Variants in GAS2 observed in about 807,000 individuals in gnomAD.
The protein encoded by GAS2 is growth arrest-specific protein 2.
In GAS2, 20 loss-of-function variants were observed where a neutral mutation model predicts 37.5. That is an observed-to-expected ratio of 0.53 (90% CI 0.37 to 0.77). The LOEUF is 0.77. Ranked by LOEUF, GAS2 falls within the 30% of genes least tolerant of loss-of-function variation. The pLI, the probability that GAS2 is intolerant of heterozygous loss-of-function variation, is 0.00. For synonymous variants in GAS2, 144 were observed against 132.2 expected, an observed-to-expected ratio of 1.09 and a Z score of -0.61; for missense variants, 336 against 373.4, an observed-to-expected ratio of 0.90 and a Z score of 0.82.
intron 2 of GAS2, among the ~76,000 whole-genome samples, chr11:22,676,962 G>A: frequency 6.6e-6 from 1 of 151,968 alleles, no homozygotes; most frequent in East Asian, 1.9e-4. Flanking sequence ...TTTAGAAGAA[G>A]GTATGGCACA....
chr11:22,716,515 C>A (rs376844198), intron 3 of GAS2, among the ~76,000 whole-genome samples: 1 of 151,856 alleles, frequency 6.6e-6, no homozygotes, highest in South Asian at 2.1e-4. Flanking sequence ...TGACACACAC[C>A]TATAATCGCA....
intron 6 of GAS2, among the ~76,000 whole-genome samples, chr11:22,752,120 C>T (rs934390048): frequency 4.6e-5 from 7 of 152,104 alleles, no homozygotes; most frequent in Non-Finnish European, 4.4e-5. Context: ...AAACACACCA[C>T]GGTTAAATTA....
intron 3 of GAS2, among the ~76,000 whole-genome samples, chr11:22,692,990 G>C (rs1850326414): frequency 6.6e-6 from 1 of 152,064 alleles, no homozygotes; most frequent in African/African-American, 2.4e-5. Flanking sequence ...TTAGTTGGCA[G>C]AACCCCTTTC....
At chr11:22,652,335 AG>A (rs954852893) in intron 1 of GAS2, among the ~76,000 whole-genome samples, 16 of 152,294 alleles carry the variant, frequency 1.1e-4, no homozygotes, top group African/African-American at 3.6e-4. Context: ...GCTGTCAGAC[AG>A]GGCCATTTAA....
At chr11:22,716,543 T>A (rs1033659517) in intron 3 of GAS2, among the ~76,000 whole-genome samples, 1 of 151,256 alleles carries the variant, frequency 6.6e-6, no homozygotes, top group South Asian at 2.1e-4. Context: ...GGGAGGCTGA[T>A]GCACGAGACT....
At chr11:22,739,604 G>A (rs1192470308) in intron 5 of GAS2, among the ~76,000 whole-genome samples, 2 of 145,156 alleles carry the variant, frequency 1.4e-5, no homozygotes, top group East Asian at 3.9e-4. Flanking sequence ...AAAAGAAAGG[G>A]GAAGTTAAAA....
chr11:22,743,084 G>T (rs1404105928), intron 5 of GAS2, among the ~76,000 whole-genome samples: 2 of 152,018 alleles, frequency 1.3e-5, no homozygotes, highest in Non-Finnish European at 2.9e-5. Context: ...TTTAAAAGGG[G>T]TTGCTTGACA....
chr11:22,766,846 C>T (rs1368202719), intron 7 of GAS2, among the ~76,000 whole-genome samples: 1 of 152,060 alleles, frequency 6.6e-6, no homozygotes, highest in Non-Finnish European at 1.5e-5. Flanking sequence ...ATTAAATCCT[C>T]TTAATTTCAA....
At position 22,702,671 on chromosome 11, in the gene GAS2, T is replaced by C. The variant is rs545804918; in HGVS notation, c.267+16882T>C. On this transcript the variant is annotated intron_variant, in intron 3 of 7. Transcript: ENST00000454584. ...TTATTTGTTGTAGGCCAGTAGCTGC[T>C]AGCCTTCTCATATGAGCAAAAAGCC... is the stretch of plus-strand genomic sequence containing the variant. The C allele has an allele frequency of 3.4e-3, 518 of 152,328 alleles. 3 individuals carry two copies. The highest frequency in any genetic ancestry group is 0.012 in the African/African-American group (483 of 41,590). 9.4% of individuals were successfully genotyped at this position (152,328 alleles called of 1,614,324 possible).
chr11:22,802,715 TAAAG>T (rs1341558918), intron 7 of GAS2, among the ~76,000 whole-genome samples: 1 of 151,920 alleles, frequency 6.6e-6, no homozygotes, highest in African/African-American at 2.4e-5. Flanking sequence ...ACAACAAAAA[TAAAG>T]AAAAATAACA....
chr11:22,705,119 T>C (rs1381917456), intron 3 of GAS2, among the ~76,000 whole-genome samples: 1 of 152,098 alleles, frequency 6.6e-6, no homozygotes, highest in African/African-American at 2.4e-5. Context: ...AAAGCCAAAA[T>C]CTATATGACA....
intron 1 of GAS2, among the ~76,000 whole-genome samples, chr11:22,652,579 T>C (rs2133834090): frequency 6.6e-6 from 1 of 152,324 alleles, no homozygotes. Context: ...CGAGACTCCG[T>C]GGGCGTAGGA....
intron 4 of GAS2, among the ~76,000 whole-genome samples, chr11:22,734,674 A>G (rs1328100154): frequency 6.6e-6 from 1 of 151,788 alleles, no homozygotes. Context: ...ATAACAGTAA[A>G]TATTATTTTG....
At chr11:22,637,272 A>G (rs185130783) in intron 1 of GAS2, among the ~76,000 whole-genome samples, 2,686 of 47,922 alleles carry the variant, frequency 0.056, no homozygotes, top group Non-Finnish European at 0.077. Flanking sequence ...TATTAATTAT[A>G]TTAATAGTAT....
intron 7 of GAS2, among the ~76,000 whole-genome samples, chr11:22,770,816 CT>C (rs1360791104): frequency 6.6e-6 from 1 of 152,152 alleles, no homozygotes; most frequent in Non-Finnish European, 1.5e-5. Flanking sequence ...AAAAGCTTTT[CT>C]TTAGTCTTGT....
At chr11:22,716,442 C>A (rs941219174) in intron 3 of GAS2, among the ~76,000 whole-genome samples, 2 of 152,020 alleles carry the variant, frequency 1.3e-5, no homozygotes, top group African/African-American at 4.8e-5. Context: ...GAGTTTGAGA[C>A]CTGCCTGGCC....
chr11:22,682,077 A>G (rs1849707915), intron 2 of GAS2, among the ~76,000 whole-genome samples: 1 of 152,030 alleles, frequency 6.6e-6, no homozygotes, highest in Non-Finnish European at 1.5e-5. Flanking sequence ...TAAAGTATGT[A>G]ATAGTCTGTT....
intron 2 of GAS2, 94 bp from the exon 3 acceptor site, chr11:22,685,574 A>ACATAACT (rs1167609509): frequency 7.5e-7 from 1 of 1,340,852 alleles, no homozygotes; most frequent in African/African-American, 1.5e-5. Flanking sequence ...CAGCTAGAAT[A>ACATAACT]GCAATTTTAG....
chr11:22,647,340 G>A (rs1243419648), intron 1 of GAS2, among the ~76,000 whole-genome samples: 1 of 152,114 alleles, frequency 6.6e-6, no homozygotes, highest in Admixed American at 6.5e-5. Flanking sequence ...CACTTGGGTT[G>A]GTTCTAAGTC....
Sources: gnomAD v4.1 joint callset for allele counts (sites outside exome capture counted in the v4.1 genomes callset) on GRCh38, gnomAD v4.1.1 for gene constraint, MANE v1.5 for transcripts, NCBI Gene and HGNC (gene_info 2026-07-23, HGNC 2026-07-21) for gene names.